Variants in SFSWAP observed in about 807,000 individuals in gnomAD.
SFSWAP encodes splicing factor, suppressor of white-apricot homolog.
A neutral mutation model predicts 100.7 loss-of-function variants in SFSWAP; 17 were observed. The ratio of observed to expected loss-of-function variants is 0.17; its 90% CI spans 0.12 to 0.25. The LOEUF (loss-of-function observed/expected upper bound fraction) is 0.25, where lower values mean the gene tolerates loss of function less well. Among genes scored for constraint, SFSWAP ranks in the 10% least tolerant of loss-of-function variants. SFSWAP has a pLI of 1.00. For missense variants in SFSWAP, 1,005 were observed against 1,262.6 expected (o/e 0.80, Z 3.09); for synonymous variants, 504 against 510.1 (o/e 0.99, Z 0.16).
chr12:131,716,068 C>G (rs1486952960), intron 3 of SFSWAP, among the ~76,000 whole-genome samples: 1 of 152,158 alleles, frequency 6.6e-6, no homozygotes, highest in Non-Finnish European at 1.5e-5. Context: ...ATGATGTTTG[C>G]CCTTCCATCC....
At position 131,736,881 on chromosome 12, in the gene SFSWAP, C is replaced by T. The variant is rs553536437; in HGVS notation, c.1081+8453C>T. 4.6e-5 allele frequency among the ~76,000 whole-genome samples: 7 copies of T among 152,030 alleles called. No individual in the cohort carries two copies. The East Asian group carries it at 5.8e-4, about 13-fold the overall frequency. Reference sequence around the variant, plus strand: ...ACTCAAGCAGAGAAAAGGTGACAGACGTTTATTGTCGGTGGGGGTGTAGAT... The same window carrying T: ...ACTCAAGCAGAGAAAAGGTGACAGATGTTTATTGTCGGTGGGGGTGTAGAT... On this transcript the variant is annotated intron_variant, in intron 7 of 17. Coordinates refer to ENST00000261674, the MANE Select transcript of SFSWAP (RefSeq NM_004592.4).
chr12:131,797,446 T>C lies in SFSWAP; in HGVS notation c.2717+86T>C, dbSNP rs1310426113. The C allele has an allele frequency of 1.7e-5, 21 of 1,232,958 alleles. No individual in the cohort carries two copies. In the East Asian group the frequency reaches 4.8e-4, roughly 28 times the overall value. 76.4% of individuals were successfully genotyped at this position (1,232,958 alleles called of 1,614,324 possible). The stretch of plus-strand genomic sequence containing the variant: ...TCCCTCCTCCCTGAGTCCTTGCCTA[T>C]GTCAGTACTCGCCTGTGTCCAGGGG... On this transcript the variant is annotated intron_variant, in intron 16 of 17. Transcript: ENST00000261674.
chr12:131,739,218 A>G (rs1880362119), intron 7 of SFSWAP, among the ~76,000 whole-genome samples: 1 of 152,058 alleles, frequency 6.6e-6, no homozygotes, highest in Admixed American at 6.5e-5. Context: ...GTATAATTCT[A>G]TATGCAAGAT....
intron 13 of SFSWAP, among the ~76,000 whole-genome samples, chr12:131,771,275 G>A (rs550544176): frequency 4.6e-4 from 70 of 152,198 alleles, no homozygotes; most frequent in African/African-American, 1.5e-3. Flanking sequence ...TTTAGTGACC[G>A]AATGACTTTA....
chr12:131,749,006 G>A (rs2136218303), intron 7 of SFSWAP, among the ~76,000 whole-genome samples: 1 of 152,310 alleles, frequency 6.6e-6, no homozygotes, highest in East Asian at 1.9e-4. Flanking sequence ...AGCTTACTGA[G>A]GGTTCAACTC....
intron 11 of SFSWAP, 29 bp from the exon 12 acceptor site, chr12:131,764,427 G>A (rs751166858): frequency 1.1e-5 from 18 of 1,575,454 alleles, no homozygotes; most frequent in Non-Finnish European, 1.5e-5. Context: ...TCTGTAACAT[G>A]TATCATAATT....
chr12:131,785,535 C>T (rs1884830875), intron 14 of SFSWAP: 1 of 267,518 alleles, frequency 3.7e-6, no homozygotes, highest in Admixed American at 5.0e-5. Context: ...CAGATTTGTG[C>T]TCATTGCAGG....
intron 9 of SFSWAP, 105 bp downstream of exon 9, chr12:131,754,604 A>C: frequency 1.7e-6 from 1 of 586,750 alleles, no homozygotes; most frequent in Non-Finnish European, 2.5e-6. Context: ...ATATATTTTT[A>C]AGCCTTTTCT....
chr12:131,741,925 G>T (rs951415093), intron 7 of SFSWAP, among the ~76,000 whole-genome samples: 1 of 152,022 alleles, frequency 6.6e-6, no homozygotes, highest in Admixed American at 6.5e-5. Flanking sequence ...GTCTCATGCC[G>T]TCTGGTGCTC....
At chr12:131,774,481 G>A (rs1163254189) in intron 13 of SFSWAP, among the ~76,000 whole-genome samples, 2 of 152,108 alleles carry the variant, frequency 1.3e-5, no homozygotes, top group Admixed American at 1.3e-4. Flanking sequence ...TCTCATAAAT[G>A]ACCATTTTTC....
chr12:131,746,880 A>G (rs1251190245), intron 7 of SFSWAP, among the ~76,000 whole-genome samples: 14 of 152,240 alleles, frequency 9.2e-5, no homozygotes, highest in African/African-American at 2.6e-4. Context: ...CAAGGCGGGC[A>G]GATCATGAGG....
intron 11 of SFSWAP, among the ~76,000 whole-genome samples, chr12:131,762,101 C>T (rs781504723): frequency 6.6e-6 from 1 of 152,122 alleles, no homozygotes; most frequent in Admixed American, 6.5e-5. Context: ...GGCATGGTGG[C>T]GAGCACCTGT....
chr12:131,768,077 G>A (rs1028176905), intron 13 of SFSWAP, among the ~76,000 whole-genome samples: 2 of 152,200 alleles, frequency 1.3e-5, no homozygotes, highest in African/African-American at 2.4e-5. Context: ...GTTGACCCAC[G>A]CGTGCTCGCC....
Position 131,725,694 on chromosome 12 carries a change from G to A in SFSWAP, c.832+64G>A, listed in dbSNP as rs934202734. On this transcript the variant is annotated intron_variant, in intron 5 of 17. Transcript: ENST00000261674. The surrounding 1 kb of genome is among the most constrained non-coding windows in gnomAD (Gnocchi z 4.3). ...CTGTGTTGTGGGGGCGGCAGGCTGG[G>A]TGGTTCTGGGAAAAGTGTGAAGATA... is the stretch of plus-strand genomic sequence containing the variant. 11 of 1,233,390 alleles carry A rather than the reference G, an allele frequency of 8.9e-6. No individual in the cohort carries two copies. Among genetic ancestry groups the A allele is most frequent in the Non-Finnish European group, 1.2e-5 (10 of 855,238 alleles). 76.4% of individuals were successfully genotyped at this position (1,233,390 alleles called of 1,614,324 possible).
intron 13 of SFSWAP, among the ~76,000 whole-genome samples, chr12:131,777,864 C>T (rs1230465845): frequency 3.3e-5 from 5 of 152,120 alleles, no homozygotes; most frequent in Non-Finnish European, 7.4e-5. Flanking sequence ...TGGAAATGCT[C>T]GGGAACCAGA....
At chr12:131,777,681 A>G (rs1432139313) in intron 13 of SFSWAP, among the ~76,000 whole-genome samples, 1 of 152,188 alleles carries the variant, frequency 6.6e-6, no homozygotes, top group Non-Finnish European at 1.5e-5. Context: ...GCTGGGTCAA[A>G]TGGTATTTCT....
rs1879830150 is a variant in SFSWAP, at chr12:131,734,664, A to G, written c.1081+6236A>G. ...CGATCCAAGGGGCCACGGGGCTCCC[A>G]GGAACATTCACCGAGTAACTTCAGA... On this transcript the variant is annotated intron_variant, in intron 7 of 17. Transcript: ENST00000261674. This position sits in a 1 kb window ranked among gnomAD's most constrained non-coding sequence, Gnocchi z 4.9. 1.3e-5 allele frequency among the ~76,000 whole-genome samples: 2 copies of G among 152,354 alleles called. No homozygotes were observed. The highest frequency in any genetic ancestry group is 4.1e-4 in the South Asian group (2 of 4,830).
chr12:131,793,689 T>C (rs975373845), intron 15 of SFSWAP, among the ~76,000 whole-genome samples: 5 of 152,106 alleles, frequency 3.3e-5, no homozygotes, highest in Admixed American at 1.3e-4. Context: ...CTTTGCTGCA[T>C]GTGTCTCTGA....
intron 12 of SFSWAP, among the ~76,000 whole-genome samples, chr12:131,765,835 G>A (rs538394493): frequency 2.6e-5 from 4 of 152,042 alleles, no homozygotes; most frequent in African/African-American, 9.6e-5. Flanking sequence ...TCATTGCCTG[G>A]TGTGAATATT....
Sources: allele counts gnomAD v4.1 joint callset (sites outside exome capture counted in the v4.1 genomes callset), GRCh38; gene constraint gnomAD v4.1.1; non-coding constraint Gnocchi (gnomAD v3.1); transcripts MANE v1.5; gene names NCBI Gene and HGNC (gene_info 2026-07-23, HGNC 2026-07-21).